Variants in ADARB2 observed in about 807,000 individuals in gnomAD.
ADARB2 encodes the protein adenosine deaminase RNA specific B2 (inactive), also known as inactive double-stranded RNA-specific editase B2.
ADARB2 carries 25 observed loss-of-function variants against 62.2 expected under a neutral mutation model. That is an observed-to-expected ratio of 0.40 (90% confidence interval 0.29 to 0.56). ADARB2 has a LOEUF of 0.56. Ranked by LOEUF, ADARB2 falls within the 20% of genes least tolerant of loss-of-function variation. ADARB2 has a pLI of 0.43. For synonymous variants in ADARB2, 572 were observed against 500.8 expected (o/e 1.14, Z -1.90); for missense variants, 1,071 against 1,077.4 (o/e 0.99, Z 0.08).
intron 1 of ADARB2, among the ~76,000 whole-genome samples, chr10:1,583,383 G>A (rs929574351): frequency 2.6e-5 from 4 of 152,134 alleles, no homozygotes; most frequent in Non-Finnish European, 5.9e-5. Context: ...TTATCATTTG[G>A]TCTTTGCAAC....
At chr10:1,528,464 C>T (rs927595221) in intron 1 of ADARB2, among the ~76,000 whole-genome samples, 2 of 152,160 alleles carry the variant, frequency 1.3e-5, no homozygotes, top group Non-Finnish European at 2.9e-5. Context: ...CTTATGGATG[C>T]GCCAAAGTAC....
At chr10:1,254,844 C>T (rs1200997573) in intron 4 of ADARB2, among the ~76,000 whole-genome samples, 5 of 152,224 alleles carry the variant, frequency 3.3e-5, no homozygotes, top group Admixed American at 2.0e-4. Flanking sequence ...AGAAAACCCA[C>T]TCTGTGGGCA....
intron 1 of ADARB2, among the ~76,000 whole-genome samples, chr10:1,580,503 C>CTTTT (rs11376658): frequency 0.1 from 14,737 of 144,620 alleles, 814 homozygotes; most frequent in Admixed American, 0.14. Context: ...TGTCTTAAGG[C>CTTTT]TTTTTTTTTT....
intron 1 of ADARB2, chr10:1,678,207 A>G: frequency 2.0e-6 from 2 of 985,292 alleles, no homozygotes; most frequent in Non-Finnish European, 2.4e-6. Context: ...CCTCAGGGTG[A>G]GTGGCCTCAG....
At chr10:1,386,326 A>G (rs902379122) in intron 1 of ADARB2, among the ~76,000 whole-genome samples, 2 of 152,066 alleles carry the variant, frequency 1.3e-5, no homozygotes, top group Non-Finnish European at 2.9e-5. Flanking sequence ...ATCAGTAATT[A>G]CATTAAATGT....
chr10:1,594,778 A>G (rs940570671), intron 1 of ADARB2, among the ~76,000 whole-genome samples: 1 of 152,222 alleles, frequency 6.6e-6, no homozygotes, highest in African/African-American at 2.4e-5. Context: ...AGCCAGTGGC[A>G]TGATATCAGG....
chr10:1,205,198 G>A (rs1384404357), intron 7 of ADARB2, among the ~76,000 whole-genome samples: 3 of 152,230 alleles, frequency 2.0e-5, no homozygotes, highest in Non-Finnish European at 4.4e-5. Flanking sequence ...CTGGCGCCAC[G>A]TGGAGATGAA....
At chr10:1,636,921 A>G (rs1029215663) in intron 1 of ADARB2, among the ~76,000 whole-genome samples, 1 of 149,884 alleles carries the variant, frequency 6.7e-6, no homozygotes, top group Non-Finnish European at 1.5e-5. Context: ...TAGAATATAT[A>G]TAATATCTCT....
At chr10:1,731,995 ATC>A (rs1481909433) in intron 1 of ADARB2, among the ~76,000 whole-genome samples, 2 of 152,228 alleles carry the variant, frequency 1.3e-5, no homozygotes, top group African/African-American at 4.8e-5. Flanking sequence ...AAACTGCAAT[ATC>A]TGTTTTGATA....
intron 1 of ADARB2, among the ~76,000 whole-genome samples, chr10:1,736,454 A>G (rs1444317515): frequency 5.3e-5 from 8 of 152,086 alleles, no homozygotes. Context: ...CTAACAAAAT[A>G]TGATGCTTCT....
intron 1 of ADARB2, among the ~76,000 whole-genome samples, chr10:1,431,024 GC>G (rs1830772926): frequency 6.6e-6 from 1 of 152,216 alleles, no homozygotes; most frequent in South Asian, 2.1e-4. Context: ...CTAAAAGTCA[GC>G]AAGGATATAG....
At chr10:1,521,982 C>T (rs905026561) in intron 1 of ADARB2, among the ~76,000 whole-genome samples, 16 of 152,216 alleles carry the variant, frequency 1.1e-4, no homozygotes, top group Admixed American at 5.2e-4. Flanking sequence ...ATATTTGGCT[C>T]GGAATAAATC....
At chr10:1,678,002 C>T (rs1245030676) in intron 1 of ADARB2, among the ~76,000 whole-genome samples, 1 of 152,246 alleles carries the variant, frequency 6.6e-6, no homozygotes, top group African/African-American at 2.4e-5. Flanking sequence ...TCCAATTCTT[C>T]CCTGTAAACT....
chr10:1,557,142 G>A (rs1352233701), intron 1 of ADARB2, among the ~76,000 whole-genome samples: 5 of 151,276 alleles, frequency 3.3e-5, no homozygotes, highest in South Asian at 4.2e-4. Flanking sequence ...GGCGCCCCCC[G>A]TCTTTGCCCA....
At chr10:1,186,679 G>A in intron 8 of ADARB2, 1 of 445,550 alleles carries the variant, frequency 2.2e-6, no homozygotes, top group Non-Finnish European at 4.5e-6. Flanking sequence ...TGAGATGGCG[G>A]TGCCTGCAGA....
At chr10:1,537,007 TC>T (rs1456117029) in intron 1 of ADARB2, among the ~76,000 whole-genome samples, 1 of 152,032 alleles carries the variant, frequency 6.6e-6, no homozygotes, top group Non-Finnish European at 1.5e-5. Flanking sequence ...AAAGAAACTA[TC>T]CTCAGAGTGA....
intron 2 of ADARB2, among the ~76,000 whole-genome samples, chr10:1,372,047 A>T (rs949257018): frequency 4.6e-5 from 7 of 152,234 alleles, no homozygotes; most frequent in African/African-American, 1.7e-4. Flanking sequence ...AATAGCAAAG[A>T]CATGTAACCA....
intron 1 of ADARB2, among the ~76,000 whole-genome samples, chr10:1,503,202 C>T (rs985468426): frequency 1.1e-4 from 16 of 152,062 alleles, no homozygotes; most frequent in Non-Finnish European, 2.2e-4. Flanking sequence ...ATCAGGCTTT[C>T]GTGAAGGGAT....
At chr10:1,402,849 G>A (rs947549623) in intron 1 of ADARB2, among the ~76,000 whole-genome samples, 4 of 152,238 alleles carry the variant, frequency 2.6e-5, no homozygotes, top group African/African-American at 9.6e-5. Context: ...AGAAATGTTC[G>A]AAAATCACTA....
Sources: allele counts gnomAD v4.1 joint callset (sites outside exome capture counted in the v4.1 genomes callset), GRCh38; gene constraint gnomAD v4.1.1; transcripts MANE v1.5; gene names NCBI Gene and HGNC (gene_info 2026-07-23, HGNC 2026-07-21).